The following WWOX variants were observed in gnomAD, a reference collection of about 807,000 sequenced individuals.
WWOX encodes WW domain-containing oxidoreductase.
A neutral mutation model predicts 46.2 loss-of-function variants in WWOX; 69 were observed. That is an observed-to-expected ratio of 1.49 (90% CI 1.23 to 1.82). The LOEUF (loss-of-function observed/expected upper bound fraction) is 1.82. Ranked by LOEUF, WWOX falls within the 40% of genes most tolerant of loss-of-function variation. The probability of loss-of-function intolerance (pLI) is 0.00; values close to 1 mark genes in which losing one functional copy is unlikely to be tolerated. For synonymous variants in WWOX, 359 were observed against 202.6 expected (o/e 1.77, Z -6.56); for missense variants, 919 against 542.6 (o/e 1.69, Z -6.89).
In WWOX at chr16:78,107,166, A is replaced by T. The variant is rs138528887; in HGVS notation, c.108-1257A>T. 7.4e-3 allele frequency among the ~76,000 whole-genome samples: 1,121 copies of T among 152,338 alleles called. 7 individuals are homozygous for T. The highest frequency in any genetic ancestry group is 0.013 in the South Asian group (64 of 4,824). On this transcript the variant is annotated intron_variant, in intron 1 of 8. Transcript: ENST00000566780. The stretch of plus-strand genomic sequence containing the variant: ...AAATAATATAACTTTCTGGGTTGGC[A>T]TGAGTAGGTGAACTTTTAGGAAACG...
chr16:78,432,617 G>C lies in WWOX; in HGVS notation c.921G>C (p.Leu307=), dbSNP rs768457294. The C allele has an allele frequency of 1.2e-6, 2 of 1,614,046 alleles. No individual in the cohort carries two copies. The highest frequency in any genetic ancestry group is 3.3e-5 in the Admixed American group (2 of 59,998). Residue 307 remains leucine, a synonymous_variant, in exon 8 of 9, where the codon CTG becomes CTC. Coordinates refer to ENST00000566780, the MANE Select transcript of WWOX (RefSeq NM_016373.4). ...KLCNILFSNE[L]HRRLSPRGVT... Reference sequence around the variant, plus strand: ...GCAACATCCTCTTCTCCAACGAGCTGCACCGTCGCCTCTCCCCACGCGGGG... The same window carrying C: ...GCAACATCCTCTTCTCCAACGAGCTCCACCGTCGCCTCTCCCCACGCGGGG...
intron 8 of WWOX, among the ~76,000 whole-genome samples, chr16:78,968,166 G>C (rs2046400733): frequency 6.6e-6 from 1 of 151,468 alleles, no homozygotes; most frequent in Non-Finnish European, 1.5e-5. Context: ...GCGTGGCACA[G>C]CGCGTGGTCT....
At chr16:79,069,297 G>C (rs143373035) in intron 8 of WWOX, among the ~76,000 whole-genome samples, 3 of 152,204 alleles carry the variant, frequency 2.0e-5, no homozygotes, top group Admixed American at 2.0e-4. Flanking sequence ...AGCGAAGGCC[G>C]TGTGGCTTCG....
chr16:78,280,964 A>G (rs1597440526), intron 5 of WWOX: 1 of 152,794 alleles, frequency 6.5e-6, no homozygotes, highest in African/African-American at 2.4e-5. Flanking sequence ...GGAATGCTAC[A>G]TTTTCTCGGA....
intron 8 of WWOX, among the ~76,000 whole-genome samples, chr16:78,479,247 C>T (rs2084430367): frequency 6.6e-6 from 1 of 152,158 alleles, no homozygotes; most frequent in South Asian, 2.1e-4. Flanking sequence ...GTGTCTGGCA[C>T]CACTTCAGAC....
At chr16:78,707,216 A>G (rs1008704607) in intron 8 of WWOX, among the ~76,000 whole-genome samples, 2 of 152,216 alleles carry the variant, frequency 1.3e-5, no homozygotes, top group African/African-American at 4.8e-5. Context: ...CCATCAGAGC[A>G]CCATCAGTCT....
intron 5 of WWOX, among the ~76,000 whole-genome samples, chr16:78,233,437 C>A (rs1364620763): frequency 1.3e-5 from 2 of 151,832 alleles, no homozygotes; most frequent in African/African-American, 2.4e-5. Context: ...GCCTATTGGA[C>A]TTTCAGCCTC....
intron 5 of WWOX, among the ~76,000 whole-genome samples, chr16:78,257,014 G>A (rs1209382215): frequency 2.0e-5 from 3 of 152,066 alleles, no homozygotes. Flanking sequence ...TGGCACATTA[G>A]GCTTTGGACT....
chr16:79,188,329 T>G (rs934866604), intron 8 of WWOX, among the ~76,000 whole-genome samples: 8 of 152,210 alleles, frequency 5.3e-5, no homozygotes, highest in Non-Finnish European at 1.2e-4. Context: ...AGACACAGCT[T>G]TGAGTCGTGA....
At position 78,889,727 on chromosome 16, in the gene WWOX, C is replaced by G. The variant is rs1325203486; in HGVS notation, c.1057-321881C>G. Among the ~76,000 whole-genome samples, 2 of 152,122 alleles carry G rather than the reference C, an allele frequency of 1.3e-5. 1 individual carries two copies. The highest frequency in any genetic ancestry group is 1.3e-4 in the Admixed American group (2 of 15,262). ...GACAATTTCTGCAGGTATTTTCCCC[C>G]CATTTTAACTTGTGCGATATAGTTC... On this transcript the variant is annotated intron_variant, in intron 8 of 8. Transcript: ENST00000566780.
chr16:79,144,149 C>T (rs148353368), intron 8 of WWOX, among the ~76,000 whole-genome samples: 1 of 152,196 alleles, frequency 6.6e-6, no homozygotes, highest in African/African-American at 2.4e-5. Flanking sequence ...ATCCTCCTGT[C>T]TCAGCCTCCC....
rs1043695358 is a variant in WWOX at position 79,026,748 on chromosome 16, G to A, written c.1057-184860G>A. The stretch of plus-strand genomic sequence containing the variant: ...TTTTCCTGCCTCAGCGTCCCAAGTA[G>A]CTGGGAGTACAGGCGACTGCCACCA... On this transcript the variant is annotated intron_variant, in intron 8 of 8. Transcript: ENST00000566780. Among the ~76,000 whole-genome samples the A allele has an allele frequency of 2.0e-4, 29 of 148,180 alleles. 2 individuals carry two copies. Among genetic ancestry groups the A allele is most frequent in the African/African-American group, 7.3e-4 (29 of 39,578 alleles).
At chr16:78,623,422 G>C (rs1236410599) in intron 8 of WWOX, among the ~76,000 whole-genome samples, 1 of 152,132 alleles carries the variant, frequency 6.6e-6, no homozygotes, top group Non-Finnish European at 1.5e-5. Flanking sequence ...GCTCATGCCT[G>C]TCATTCCAGC....
chr16:78,201,723 A>G (rs1307791632), intron 5 of WWOX, among the ~76,000 whole-genome samples: 1 of 150,662 alleles, frequency 6.6e-6, no homozygotes, highest in Non-Finnish European at 1.5e-5. Flanking sequence ...ATTGTTTGAG[A>G]CAGTCTCACT....
At chr16:78,676,693 G>C (rs1219651287) in intron 8 of WWOX, among the ~76,000 whole-genome samples, 1 of 152,116 alleles carries the variant, frequency 6.6e-6, no homozygotes, top group Non-Finnish European at 1.5e-5. Context: ...TTTTATTGCT[G>C]CAGGGAATAA....
At chr16:78,989,829 TGTGTGTG>T (rs2046849558) in intron 8 of WWOX, among the ~76,000 whole-genome samples, 2 of 150,322 alleles carry the variant, frequency 1.3e-5, no homozygotes, top group Admixed American at 6.6e-5. Context: ...AGCGTGTGTG[TGTGTGTG>T]TGTGTGTGTG....
At chr16:78,194,446 G>C (rs1214739354) in intron 5 of WWOX, among the ~76,000 whole-genome samples, 2 of 151,688 alleles carry the variant, frequency 1.3e-5, no homozygotes, top group Non-Finnish European at 2.9e-5. Flanking sequence ...AAATTAGCCT[G>C]GCGTGGTGGT....
intron 8 of WWOX, among the ~76,000 whole-genome samples, chr16:78,575,089 A>G (rs1295714986): frequency 2.0e-5 from 1 of 50,174 alleles, no homozygotes. Flanking sequence ...ATATATATAT[A>G]TATATATTTA....
chr16:78,929,627 C>T (rs773977633), intron 8 of WWOX, among the ~76,000 whole-genome samples: 12 of 152,100 alleles, frequency 7.9e-5, no homozygotes, highest in Non-Finnish European at 1.2e-4. Flanking sequence ...CCAGGCCCTG[C>T]TTCTATTTCT....
Sources: allele counts gnomAD v4.1 joint callset (sites outside exome capture counted in the v4.1 genomes callset), GRCh38; gene constraint gnomAD v4.1.1; transcripts MANE v1.5; gene names NCBI Gene and HGNC (gene_info 2026-07-23, HGNC 2026-07-21).